ATP13A1: variants seen among roughly 807,000 people sequenced by gnomAD.
ATP13A1 encodes ATPase 13A1.
ATP13A1 carries 55 observed loss-of-function variants against 134.8 expected under a neutral mutation model. The observed-to-expected ratio is 0.41, with a 90% CI of 0.33 to 0.51. The LOEUF is 0.51. ATP13A1 is among the 20% of genes least tolerant of loss of function. The pLI, the probability that ATP13A1 is intolerant of heterozygous loss-of-function variation, is 0.29. For missense variants in ATP13A1, 1,389 were observed against 1,652.8 expected (o/e 0.84, Z 2.77); for synonymous variants, 775 against 725.1 (o/e 1.07, Z -1.10).
At position 19,646,615 on chromosome 19, in the gene ATP13A1, C is replaced by G. The variant is rs1042213328; in HGVS notation, c.3106-268G>C. The G allele has an allele frequency of 5.6e-6, 3 of 535,656 alleles. No homozygotes were observed. In the African/African-American group the frequency reaches 5.7e-5, roughly 10 times the overall value. 33.2% of individuals were successfully genotyped at this position (535,656 alleles called of 1,614,324 possible). On this transcript the variant is annotated intron_variant, in intron 22 of 25. Transcript: ENST00000357324. ...CCTGAGAATCATGAAGCAGATCCTGCCCTCCCTGGAGCCCACGGGACAGGC... is the reference window on the plus strand; with the variant it reads ...CCTGAGAATCATGAAGCAGATCCTGGCCTCCCTGGAGCCCACGGGACAGGC...
At position 19,656,306 on chromosome 19, in the gene ATP13A1, A is replaced by T; in HGVS notation, c.1084-123T>A. ...AGGGGGATCCCCACCCGACCAATAC[A>T]TCCCACCCAGCTCCCAGATCCTCAC... On this transcript the variant is annotated intron_variant, in intron 7 of 25. Coordinates refer to ENST00000357324, the MANE Select transcript of ATP13A1 (RefSeq NM_020410.3). This position sits in a 1 kb window ranked among gnomAD's most constrained non-coding sequence, Gnocchi z 4.6. 7.6e-7 allele frequency: 1 copy of T among 1,320,778 alleles called. No homozygotes were observed. 81.8% of individuals were successfully genotyped at this position (1,320,778 alleles called of 1,614,324 possible). A position where few individuals can be genotyped will look rare whatever the true frequency, so the allele number is the denominator to read the frequency against.
chr19:19,655,900 C>T lies in ATP13A1; in HGVS notation c.1247G>A (p.Arg416Gln), dbSNP rs1413196482. The T allele has an allele frequency of 5.6e-6, 9 of 1,595,350 alleles. No individual in the cohort carries two copies. The highest frequency in any genetic ancestry group is 7.7e-6 in the Non-Finnish European group (9 of 1,175,764). ...CACCTGGGATGTGTTGAATCCGGTC[C>T]GCAGGACGTAGGCCACGCACCCGCT... ...VDSGCVAYVL[R>Q]TGFNTSQGKL... Residue 416 changes from arginine to glutamine, a missense_variant, in exon 9 of 26, where the codon CGG becomes CAG. Arg to Gln is a conservative substitution (Grantham distance 43). This residue lies in a region of ATP13A1 where 747 missense variants were observed against 956.1 expected (regional missense o/e 0.78). Transcript: ENST00000357324. This position sits in a 1 kb window ranked among gnomAD's most constrained non-coding sequence, Gnocchi z 5.7.
intron 17 of ATP13A1, 164 bp from the exon 18 acceptor site, chr19:19,650,104 A>C (rs2062014760): frequency 3.1e-6 from 2 of 648,524 alleles, no homozygotes; most frequent in Non-Finnish European, 5.3e-6. Flanking sequence ...CTCCACAAAG[A>C]ATGTCCCTCA....
chr19:19,652,508 G>A, intron 16 of ATP13A1, 87 bp downstream of exon 16: 4 of 1,486,964 alleles, frequency 2.7e-6, no homozygotes, highest in Non-Finnish European at 3.6e-6. Context: ...GTGAGACTTG[G>A]GTGCCCACCC....
In ATP13A1 at chr19:19,653,780, G is replaced by A. The variant is rs370494776; in HGVS notation, c.2100+4C>T. 11 of 1,548,422 alleles carry A rather than the reference G, an allele frequency of 7.1e-6. No individual in the cohort carries two copies. Among genetic ancestry groups the A allele is most frequent in the African/African-American group, 5.5e-5 (4 of 72,988 alleles). Reference sequence around the variant, plus strand: ...GTGAAGGCAGGGGGAGCCTGGGCCCGTACCTGCTGGTGAGTGAGGTGTCCC... The same window carrying A: ...GTGAAGGCAGGGGGAGCCTGGGCCCATACCTGCTGGTGAGTGAGGTGTCCC... On this transcript the variant is annotated splice_donor_region_variant and intron_variant, in intron 15 of 25. Transcript: ENST00000357324. The surrounding 1 kb of genome is among the most constrained non-coding windows in gnomAD (Gnocchi z 4.2).
At position 19,647,334 on chromosome 19, in the gene ATP13A1, T is replaced by TGGTGG; in HGVS notation, c.2909-14_2909-10dup. The TGGTGG allele has an allele frequency of 6.9e-7, 1 of 1,447,652 alleles. No homozygotes were observed. The highest frequency in any genetic ancestry group is 9.2e-7 in the Non-Finnish European group (1 of 1,091,334). 89.7% of individuals were successfully genotyped at this position (1,447,652 alleles called of 1,614,324 possible). A position where few individuals can be genotyped will look rare whatever the true frequency, so the allele number is the denominator to read the frequency against. ...CTTGATCACGTGGCAGACTGCAGGGTGGTGGGGAGGCAGGTGTGGGTGTGG... is the reference window on the plus strand; with the variant it reads ...CTTGATCACGTGGCAGACTGCAGGGTGGTGGGGTGGGGAGGCAGGTGTGGGTGTGG... On this transcript the variant is annotated splice_polypyrimidine_tract_variant and intron_variant, in intron 21 of 25. Transcript: ENST00000357324. This position sits in a 1 kb window ranked among gnomAD's most constrained non-coding sequence, Gnocchi z 4.8.
At chr19:19,654,245 C>A in intron 13 of ATP13A1, 101 bp from the exon 14 acceptor site, 1 of 1,276,528 alleles carries the variant, frequency 7.8e-7, no homozygotes, top group Non-Finnish European at 1.1e-6. Context: ...CCTGCCTCCC[C>A]CAGGGCCTGA....
chr19:19,645,472 G>C lies in ATP13A1; in HGVS notation c.3565C>G (p.Arg1189Gly). ...GTCCCCAGGAAGAACTGCAGGACGC[G>C]GTCGGCCAGGAGCGCCAGGCAGAAG... ...LDFCLALLADRVLQFFLGTPK... is the reference protein window; with the variant it reads ...LDFCLALLADGVLQFFLGTPK... Residue 1189 changes from arginine to glycine, a missense_variant, in exon 26 of 26, where the codon CGC becomes GGC. Physicochemically the swap from Arg to Gly is moderately radical, Grantham distance 125. Coordinates refer to ENST00000357324, the MANE Select transcript of ATP13A1 (RefSeq NM_020410.3). This position sits in a 1 kb window ranked among gnomAD's most constrained non-coding sequence, Gnocchi z 4.1. 6.2e-7 allele frequency: 1 copy of C among 1,608,516 alleles called. No homozygotes were observed. Among genetic ancestry groups the C allele is most frequent in the Non-Finnish European group, 8.5e-7 (1 of 1,177,724 alleles).
intron 1 of ATP13A1, 139 bp downstream of exon 1, chr19:19,663,132 G>T: frequency 1.6e-6 from 2 of 1,267,734 alleles, no homozygotes; most frequent in Non-Finnish European, 2.2e-6. Context: ...CTGCGCCAAA[G>T]TGTAGAGGGT....
At chr19:19,658,315 G>C (rs1465370840) in intron 3 of ATP13A1, among the ~76,000 whole-genome samples, 1 of 152,094 alleles carries the variant, frequency 6.6e-6, no homozygotes, top group African/African-American at 2.4e-5. Context: ...TTATGTATGG[G>C]ATGTGAGAAG....
At position 19,656,643 on chromosome 19, in the gene ATP13A1, C is replaced by A; in HGVS notation, c.1083+17G>T. 6.2e-7 allele frequency: 1 copy of A among 1,608,986 alleles called. No homozygotes were observed. The highest frequency in any genetic ancestry group is 8.5e-7 in the Non-Finnish European group (1 of 1,176,972). On this transcript the variant is annotated intron_variant, in intron 7 of 25. Transcript: ENST00000357324. The surrounding 1 kb of genome is among the most constrained non-coding windows in gnomAD (Gnocchi z 4.6). ...TCCTCCTGAACAGCTTGAGGATCCC[C>A]ATCCTCCACCAAGTACCTTCATCTG...
rs751668596 is a variant in ATP13A1, at chr19:19,663,278, C to T, written c.389G>A (p.Cys130Tyr). The T allele has an allele frequency of 7.0e-6, 11 of 1,580,866 alleles. No homozygotes were observed. In the Admixed American group the frequency reaches 1.5e-4, roughly 21 times the overall value. Residue 130 changes from cysteine to tyrosine, a missense_variant, in exon 1 of 26, where the codon TGC (cysteine) becomes TAC (tyrosine). Around this residue, in one of 4 missense-constraint regions of ATP13A1, gnomAD observed 293 missense variants for 270.8 expected, o/e 1.08. Transcript: ENST00000357324. Reference sequence around the variant, plus strand: ...TCGCGTGTACACACTTACCGGGGTGCAGGTGAGCGCGCAATGCGCGTGCAC... The same window carrying T: ...TCGCGTGTACACACTTACCGGGGTGTAGGTGAGCGCGCAATGCGCGTGCAC... ...WSVHAHCALT[C>Y]TPEYDPSKAT... is the part of the protein sequence containing the mutation.
In ATP13A1 at chr19:19,656,829, A is replaced by G. The variant is rs762657426; in HGVS notation, c.976+18T>C. ...GAGGCTGGGGCTCCCACTGGGACTG[A>G]GCGGAACCCGGCCTCACCGATGGAG... is the stretch of plus-strand genomic sequence containing the variant. On this transcript the variant is annotated intron_variant, in intron 6 of 25. Transcript: ENST00000357324. The surrounding 1 kb of genome is among the most constrained non-coding windows in gnomAD (Gnocchi z 4.6). 4 of 1,612,274 alleles carry G rather than the reference A, an allele frequency of 2.5e-6. No individual in the cohort carries two copies. Among genetic ancestry groups the G allele is most frequent in the Non-Finnish European group, 3.4e-6 (4 of 1,179,316 alleles).
chr19:19,663,353 G>C lies in ATP13A1; in HGVS notation c.314C>G (p.Ala105Gly). 1 of 1,592,004 alleles carries C rather than the reference G, an allele frequency of 6.3e-7. No individual in the cohort carries two copies. Among genetic ancestry groups the C allele is most frequent in the Non-Finnish European group, 8.5e-7 (1 of 1,170,568 alleles). The change falls in exon 1 of 26, where the codon GCC becomes GGC. Residue 105 changes from alanine to glycine, a missense_variant. Coordinates refer to ENST00000357324, the MANE Select transcript of ATP13A1 (RefSeq NM_020410.3). ...QIPEAALLVL[A>G]TICLAHALTV... ...GAGCGCGTGCGCGAGGCAGATGGTGGCAAGCACGAGCAGCGCAGCTTCGGG... is the reference window on the plus strand; with the variant it reads ...GAGCGCGTGCGCGAGGCAGATGGTGCCAAGCACGAGCAGCGCAGCTTCGGG...
intron 16 of ATP13A1, 69 bp downstream of exon 16, chr19:19,652,526 G>A (rs760719153): frequency 6.4e-5 from 98 of 1,531,164 alleles, no homozygotes; most frequent in Non-Finnish European, 8.5e-5. Flanking sequence ...CCCCTACCAC[G>A]AAGCTGTAAT....
In ATP13A1 at chr19:19,645,309, G is replaced by A. The variant is rs552175944; in HGVS notation, c.*113C>T. On this transcript the variant is annotated 3_prime_UTR_variant, in exon 26 of 26. Coordinates refer to ENST00000357324, the MANE Select transcript of ATP13A1 (RefSeq NM_020410.3). The surrounding 1 kb of genome is among the most constrained non-coding windows in gnomAD (Gnocchi z 4.1). ...GGTCCCAGCTCAGTCTTCCAAGGGC[G>A]AGACTGTACAGCCTTGCTGTGGGGG... 5.1e-4 allele frequency: 622 copies of A among 1,221,798 alleles called. 2 individuals carry two copies. Among genetic ancestry groups the A allele is most frequent in the Non-Finnish European group, 1.1e-4 (97 of 867,616 alleles). The allele number at this position is 1,221,798 out of a possible 1,614,324, so 75.7% of individuals were successfully genotyped here.
chr19:19,663,272 G>C lies in ATP13A1; in HGVS notation c.395C>G (p.Pro132Arg). Residue 132 changes from proline (P) to arginine (R), a missense_variant and splice_region_variant, in exon 1 of 26, where the codon CCG (proline) becomes CGG (arginine). Coordinates refer to ENST00000357324, the MANE Select transcript of ATP13A1 (RefSeq NM_020410.3). ...TCGGGCTCGCGTGTACACACTTACC[G>C]GGGTGCAGGTGAGCGCGCAATGCGC... Reference protein sequence around the residue: ...VHAHCALTCTPEYDPSKATFV... With the variant: ...VHAHCALTCTREYDPSKATFV... 2.5e-6 allele frequency: 4 copies of C among 1,578,280 alleles called. No homozygotes were observed. Among genetic ancestry groups the C allele is most frequent in the Non-Finnish European group, 3.4e-6 (4 of 1,163,734 alleles).
chr19:19,657,040 T>C lies in ATP13A1; in HGVS notation c.860A>G (p.Asn287Ser), dbSNP rs1272444487. 9 of 1,571,748 alleles carry C rather than the reference T, an allele frequency of 5.7e-6. No homozygotes were observed. Among genetic ancestry groups the C allele is most frequent in the Non-Finnish European group, 7.8e-6 (9 of 1,158,570 alleles). Residue 287 changes from asparagine to serine, a missense_variant, in exon 5 of 26, where the codon AAC (asparagine) becomes AGC (serine). Asn to Ser is a conservative substitution (Grantham distance 46). This residue lies in a region of ATP13A1 where 747 missense variants were observed against 956.1 expected (regional missense o/e 0.78). Coordinates refer to ENST00000357324, the MANE Select transcript of ATP13A1 (RefSeq NM_020410.3). ...EASLVQQQMR[N>S]MSEIRKMGNK... Reference sequence around the variant, plus strand: ...GCCCATCTTCCGGATCTCCGACATGTTCCGCATCTGCTGCTGCACCAGCGA... The same window carrying C: ...GCCCATCTTCCGGATCTCCGACATGCTCCGCATCTGCTGCTGCACCAGCGA...
In ATP13A1 at chr19:19,655,673, A is replaced by ATT; in HGVS notation, c.1270-20_1270-19insAA. 5 of 1,609,404 alleles carry ATT rather than the reference A, an allele frequency of 3.1e-6. No individual in the cohort carries two copies. The highest frequency in any genetic ancestry group is 4.2e-6 in the Non-Finnish European group (5 of 1,177,932). Reference sequence around the variant, plus strand: ...GCTTGCCCTGGAGGAATGGAGGAACAGCCTTTCTGCTGTCTGGACTCCCTC... The same window carrying ATT: ...GCTTGCCCTGGAGGAATGGAGGAACATTGCCTTTCTGCTGTCTGGACTCCCTC... On this transcript the variant is annotated intron_variant, in intron 9 of 25. Coordinates refer to ENST00000357324, the MANE Select transcript of ATP13A1 (RefSeq NM_020410.3). This position sits in a 1 kb window ranked among gnomAD's most constrained non-coding sequence, Gnocchi z 5.7.
Sources: allele counts gnomAD v4.1 joint callset (sites outside exome capture counted in the v4.1 genomes callset), GRCh38; gene constraint gnomAD v4.1.1; regional missense constraint gnomAD v4.1.1; non-coding constraint Gnocchi (gnomAD v3.1); transcripts MANE v1.5; gene names NCBI Gene and HGNC (gene_info 2026-07-23, HGNC 2026-07-21).